TAF4B: variants seen among roughly 807,000 people sequenced by gnomAD.
The protein encoded by TAF4B is TATA-box binding protein associated factor 4b.
TAF4B carries 38 observed loss-of-function variants against 86.4 expected under a neutral mutation model. The ratio of observed to expected loss-of-function variants is 0.44; its 90% CI spans 0.34 to 0.58. The LOEUF (loss-of-function observed/expected upper bound fraction) is 0.58. Among genes scored for constraint, TAF4B ranks in the 20% least tolerant of loss-of-function variants. The pLI is 0.02. For synonymous variants in TAF4B, 388 were observed against 391.2 expected, an observed-to-expected ratio of 0.99 and a Z score of 0.10; for missense variants, 988 against 1,027.6, an observed-to-expected ratio of 0.96 and a Z score of 0.53.
intron 1 of TAF4B, among the ~76,000 whole-genome samples, chr18:26,229,302 A>G (rs1164434829): frequency 6.6e-6 from 1 of 152,180 alleles, no homozygotes; most frequent in Non-Finnish European, 1.5e-5. Flanking sequence ...TGGTCGTTAT[A>G]GAGGAAGTGG....
chr18:26,255,454 T>C (rs565204086), intron 1 of TAF4B, among the ~76,000 whole-genome samples: 1 of 151,928 alleles, frequency 6.6e-6, no homozygotes, highest in African/African-American at 2.4e-5. Flanking sequence ...AACTAAAAAA[T>C]TAGCTGGGTC....
At chr18:26,345,762 C>T (rs2057172368) in intron 13 of TAF4B, among the ~76,000 whole-genome samples, 1 of 152,094 alleles carries the variant, frequency 6.6e-6, no homozygotes, top group African/African-American at 2.4e-5. Context: ...ATACATCAAA[C>T]ATGAAAAAAC....
rs771915567 is a variant in TAF4B at position 26,274,937 on chromosome 18, C to T, written c.766C>T (p.Leu256=). 6.2e-7 allele frequency: 1 copy of T among 1,613,248 alleles called. No individual in the cohort carries two copies. Among genetic ancestry groups the T allele is most frequent in the Admixed American group, 1.7e-5 (1 of 59,834 alleles). ...AVQINLSPTM[L]ENVKKCKNFL... is the part of the protein sequence containing the mutation. ...TTTACATTTTCATATTTAGACAATG[C>T]TAGAAAATGTGAAGAAATGCAAGAA... Residue 256 remains leucine, a synonymous_variant, in exon 5 of 15, where the codon CTA becomes TTA. Transcript: ENST00000269142.
intron 14 of TAF4B, among the ~76,000 whole-genome samples, chr18:26,360,161 T>C (rs1474758761): frequency 6.6e-6 from 1 of 152,212 alleles, no homozygotes; most frequent in Non-Finnish European, 1.5e-5. Flanking sequence ...TTGCTCATGA[T>C]TTTTATTAAC....
At chr18:26,346,761 A>ATATATATATATATGTGTGTG (rs1567913528) in intron 13 of TAF4B, among the ~76,000 whole-genome samples, 1 of 22,602 alleles carries the variant, frequency 4.4e-5, no homozygotes, top group South Asian at 2.1e-3. Flanking sequence ...ATATGTGTGT[A>ATATATATATATATGTGTGTG]TATATATATA....
chr18:26,245,644 T>G (rs986944497), intron 1 of TAF4B, among the ~76,000 whole-genome samples: 3 of 152,186 alleles, frequency 2.0e-5, no homozygotes, highest in East Asian at 1.9e-4. Flanking sequence ...TACAGAGCGC[T>G]GATTGGTGAT....
rs199708767 is a variant in TAF4B, at chr18:26,281,974, G to A, written c.886G>A (p.Ala296Thr). 59 of 1,611,314 alleles carry A rather than the reference G, an allele frequency of 3.7e-5. No homozygotes were observed. Among genetic ancestry groups the A allele is most frequent in the Non-Finnish European group, 4.2e-5 (49 of 1,178,396 alleles). ...VKKLVEQLLD[A>T]KIEAEEFTRK... ...TTCTATTTCTCCCATCCCTCAGGAT[G>A]CAAAAATCGAAGCAGAAGAATTTAC... The change falls in exon 6 of 15, where the codon GCA (alanine) becomes ACA (threonine). Residue 296 changes from alanine (A) to threonine (T), a missense_variant. Physicochemically the swap from Ala to Thr is moderately conservative, Grantham distance 58 (BLOSUM62 0). Transcript: ENST00000269142.
chr18:26,237,477 G>C (rs1455968522), intron 1 of TAF4B, among the ~76,000 whole-genome samples: 1 of 152,076 alleles, frequency 6.6e-6, no homozygotes, highest in African/African-American at 2.4e-5. Flanking sequence ...GGATGTAACC[G>C]ATAGCCTGGG....
At chr18:26,377,772 G>C (rs972564222) in intron 14 of TAF4B, among the ~76,000 whole-genome samples, 25 of 152,268 alleles carry the variant, frequency 1.6e-4, no homozygotes, top group African/African-American at 6.0e-4. Flanking sequence ...TCAGTAGTTT[G>C]CTAATGTTAT....
At chr18:26,294,634 GTA>G (rs111932055) in intron 9 of TAF4B, among the ~76,000 whole-genome samples, 17,761 of 137,302 alleles carry the variant, frequency 0.13, 1,332 homozygotes, top group Non-Finnish European at 0.18. Context: ...TATAACATTT[GTA>G]TATATATGTA....
chr18:26,280,037 C>CT (rs1030894218), intron 5 of TAF4B, among the ~76,000 whole-genome samples: 1 of 81,484 alleles, frequency 1.2e-5, no homozygotes, highest in African/African-American at 4.8e-5. Context: ...CAGTGAGACT[C>CT]TATCTCAAAA....
chr18:26,357,192 G>A (rs891194817), intron 13 of TAF4B, among the ~76,000 whole-genome samples: 3 of 152,062 alleles, frequency 2.0e-5, no homozygotes, highest in African/African-American at 7.2e-5. Flanking sequence ...AATAAAAAGA[G>A]GATGATGTAT....
intron 14 of TAF4B, among the ~76,000 whole-genome samples, chr18:26,363,089 T>G (rs368318192): frequency 4.6e-5 from 7 of 152,116 alleles, no homozygotes; most frequent in Non-Finnish European, 8.8e-5. Context: ...GCTATCTATA[T>G]CTTGGTGCCA....
At chr18:26,326,985 TAA>T in intron 11 of TAF4B, 28 bp from the exon 12 acceptor site, 1 of 1,606,234 alleles carries the variant, frequency 6.2e-7, no homozygotes, top group Non-Finnish European at 8.5e-7. Flanking sequence ...AGGATCATTA[TAA>T]GACTTTCTGT....
At chr18:26,340,210 G>A (rs1422337664) in intron 13 of TAF4B, among the ~76,000 whole-genome samples, 1 of 152,152 alleles carries the variant, frequency 6.6e-6, no homozygotes, top group Non-Finnish European at 1.5e-5. Flanking sequence ...ATAAAATACT[G>A]AATCATAAGG....
intron 6 of TAF4B, among the ~76,000 whole-genome samples, chr18:26,283,709 A>G (rs955456841): frequency 1.3e-5 from 2 of 152,208 alleles, no homozygotes; most frequent in African/African-American, 2.4e-5. Flanking sequence ...GCCAAAAGCT[A>G]TGAAAGACCT....
rs2056958602 is a variant in TAF4B, at chr18:26,321,147, G to C, written c.2080G>C (p.Gly694Arg). 1 of 1,613,772 alleles carries C rather than the reference G, an allele frequency of 6.2e-7. No homozygotes were observed. Among genetic ancestry groups the C allele is most frequent in the South Asian group, 1.1e-5 (1 of 91,068 alleles). Residue 694 changes from glycine to arginine, a missense_variant, in exon 11 of 15, where the codon GGC (glycine) becomes CGC (arginine). By Grantham distance (125) the Gly-to-Arg change is moderately radical (BLOSUM62 -2). This residue lies in a region of TAF4B where 216 missense variants were observed against 238.4 expected (regional missense o/e 0.91). Coordinates refer to ENST00000269142, the MANE Select transcript of TAF4B (RefSeq NM_005640.3). ...ISQATQERLRGLLEKLTAIAQ... is the reference protein window; with the variant it reads ...ISQATQERLRRLLEKLTAIAQ... ...CCAAGCAACACAGGAACGACTACGA[G>C]GCCTTCTAGAAAAACTGACTGCAAT...
intron 13 of TAF4B, among the ~76,000 whole-genome samples, chr18:26,356,529 G>A (rs1460792163): frequency 2.0e-5 from 3 of 152,054 alleles, no homozygotes; most frequent in Non-Finnish European, 4.4e-5. Flanking sequence ...TTTTAAACAT[G>A]TGTTAAAAGA....
chr18:26,342,594 G>C (rs1043594582), intron 13 of TAF4B, among the ~76,000 whole-genome samples: 3 of 151,962 alleles, frequency 2.0e-5, no homozygotes, highest in Admixed American at 2.0e-4. Context: ...ATGTTTTTTG[G>C]GTCTTGATTA....
Sources: allele counts gnomAD v4.1 joint callset (sites outside exome capture counted in the v4.1 genomes callset), GRCh38; gene constraint gnomAD v4.1.1; regional missense constraint gnomAD v4.1.1; transcripts MANE v1.5; gene names NCBI Gene and HGNC (gene_info 2026-07-23, HGNC 2026-07-21).